ZNF415: variants seen among roughly 807,000 people sequenced by gnomAD.
The protein encoded by ZNF415 is zinc finger protein 415.
Under a neutral mutation model 7.3 loss-of-function variants are expected in ZNF415, and 5 were observed. That is an observed-to-expected ratio of 0.69 (90% CI 0.36 to 1.44). The LOEUF is 1.44. ZNF415 is among the 40% of genes most tolerant of loss of function. The probability of loss-of-function intolerance (pLI) is 0.04; values close to 1 mark genes in which losing one functional copy is unlikely to be tolerated. For synonymous variants in ZNF415, 207 were observed against 226.3 expected (o/e 0.91, Z 0.77); for missense variants, 628 against 664.8 (o/e 0.94, Z 0.61).
In ZNF415 at chr19:53,108,741, G is replaced by C; in HGVS notation, c.1304C>G (p.Thr435Ser). 3.1e-6 allele frequency: 5 copies of C among 1,614,144 alleles called. No homozygotes were observed. Among genetic ancestry groups the C allele is most frequent in the Non-Finnish European group, 4.2e-6 (5 of 1,180,026 alleles). ...ATTACACTTGTAAGGTTTCTCTCCA[G>C]TATGAACTCTCCGATGACTCGCAAG... ...SHLASHRRVH[T>S]GEKPYKCNEC... is the part of the protein sequence containing the mutation. Residue 435 changes from threonine to serine, a missense_variant, in exon 4 of 4, where the codon ACT becomes AGT. Physicochemically the swap from Thr to Ser is moderately conservative, Grantham distance 58. Transcript: ENST00000243643.
Position 53,116,353 on chromosome 19 carries a change from C to A in ZNF415, c.96G>T (p.Arg32Ser), listed in dbSNP as rs751362915. 6.2e-7 allele frequency: 1 copy of A among 1,613,134 alleles called. No homozygotes were observed. The highest frequency in any genetic ancestry group is 8.5e-7 in the Non-Finnish European group (1 of 1,179,754). Residue 32 changes from arginine to serine, a missense_variant, in exon 3 of 4, where the codon AGG becomes AGT. By Grantham distance (110) the Arg-to-Ser change is moderately radical. Transcript: ENST00000243643. ...TCCTGTAGTTCTCCAACATCACATC[C>A]CTGTATAAAGTCCTCTGTGTAGAGT... ...CLNSTQRTLY[R>S]DVMLENYRNL...
At chr19:53,122,138 C>T (rs1297436458) in intron 2 of ZNF415, among the ~76,000 whole-genome samples, 2 of 151,860 alleles carry the variant, frequency 1.3e-5, no homozygotes, top group Non-Finnish European at 1.5e-5. Context: ...CCCAGCTACT[C>T]GGGACGCTGA....
Position 53,108,690 on chromosome 19 carries a change from T to C in ZNF415, c.1355A>G (p.His452Arg), listed in dbSNP as rs1414348879. 3 of 1,614,198 alleles carry C rather than the reference T, an allele frequency of 1.9e-6. No homozygotes were observed. The African/African-American group carries it at 4.0e-5, about 22-fold the overall frequency. ...CNECGKAFSVHSNLTTHQVIH... is the reference protein window; with the variant it reads ...CNECGKAFSVRSNLTTHQVIH... ...GACCTGATGGGTAGTTAAGTTCGAA[T>C]GCACACTAAAGGCTTTCCCACACTC... Residue 452 changes from histidine to arginine, a missense_variant, in exon 4 of 4, where the codon CAT becomes CGT. Physicochemically the swap from His to Arg is conservative, Grantham distance 29. Transcript: ENST00000243643.
chr19:53,120,559 T>C (rs1306637729), intron 2 of ZNF415, among the ~76,000 whole-genome samples: 1 of 152,082 alleles, frequency 6.6e-6, no homozygotes, highest in African/African-American at 2.4e-5. Context: ...AATATCTCTA[T>C]TGAGAGTTTC....
At chr19:53,119,096 T>G (rs978813254) in intron 2 of ZNF415, among the ~76,000 whole-genome samples, 3 of 151,974 alleles carry the variant, frequency 2.0e-5, no homozygotes, top group Non-Finnish European at 2.9e-5. Context: ...CTGGCTAACA[T>G]GGTGAACCCC....
chr19:53,122,135 A>G (rs3786524), intron 2 of ZNF415, among the ~76,000 whole-genome samples: 1 of 151,868 alleles, frequency 6.6e-6, no homozygotes, highest in African/African-American at 2.4e-5. Context: ...AATCCCAGCT[A>G]CTCGGGACGC....
chr19:53,123,617 G>A, intron 1 of ZNF415: 2 of 398,978 alleles, frequency 5.0e-6, no homozygotes, highest in Non-Finnish European at 8.8e-6. Context: ...AGCAGAGGGA[G>A]CGAGGAGGAC....
intron 2 of ZNF415, among the ~76,000 whole-genome samples, chr19:53,116,916 T>C (rs2087144872): frequency 6.6e-6 from 1 of 152,154 alleles, no homozygotes; most frequent in Non-Finnish European, 1.5e-5. Flanking sequence ...ATGTGACATA[T>C]GGGGCAGGCA....
chr19:53,129,710 T>C (rs2089788338), intron 1 of ZNF415: 2 of 398,436 alleles, frequency 5.0e-6, no homozygotes, highest in Admixed American at 8.8e-5. Context: ...GGCTGAATTA[T>C]GATGTCACGA....
At chr19:53,115,038 AAGAAC>A (rs1394927779) in intron 3 of ZNF415, among the ~76,000 whole-genome samples, 4 of 152,100 alleles carry the variant, frequency 2.6e-5, no homozygotes, top group Non-Finnish European at 5.9e-5. Flanking sequence ...AGGTGGCATC[AAGAAC>A]AGGAGAGACC....
At chr19:53,129,025 G>A (rs1432466492) in intron 1 of ZNF415, among the ~76,000 whole-genome samples, 1 of 152,014 alleles carries the variant, frequency 6.6e-6, no homozygotes, top group South Asian at 2.1e-4. Flanking sequence ...GAGAGTGACG[G>A]GCAGAGAGAA....
chr19:53,113,302 A>T (rs2086518044), intron 3 of ZNF415, among the ~76,000 whole-genome samples: 1 of 91,246 alleles, frequency 1.1e-5, no homozygotes, highest in Non-Finnish European at 2.2e-5. Flanking sequence ...AGGTCAGGAG[A>T]TCGAGACCAT....
chr19:53,131,409 G>T (rs534487563), intron 1 of ZNF415, among the ~76,000 whole-genome samples: 1 of 152,210 alleles, frequency 6.6e-6, no homozygotes, highest in South Asian at 2.1e-4. Context: ...TTAATAGACA[G>T]GAGCTTTGCA....
chr19:53,119,607 G>C (rs894075738), intron 2 of ZNF415, among the ~76,000 whole-genome samples: 9 of 151,178 alleles, frequency 6.0e-5, no homozygotes, highest in Admixed American at 1.3e-4. Context: ...AAACACAAAG[G>C]ATCAACAAAA....
Position 53,109,263 on chromosome 19 carries a change from C to T in ZNF415, c.782G>A (p.Arg261His), listed in dbSNP as rs139648554. 345 of 1,614,050 alleles carry T rather than the reference C, an allele frequency of 2.1e-4. No individual in the cohort carries two copies. The highest frequency in any genetic ancestry group is 2.7e-4 in the Non-Finnish European group (314 of 1,180,036). ...CTCTCCAGTATGAACTCTCCAATGA[C>T]GCGCAAGGTTTGATTTTTGACTAAA... ...KVFSQKSNLARHWRVHTGEKP... is the reference protein window; with the variant it reads ...KVFSQKSNLAHHWRVHTGEKP... Residue 261 changes from arginine to histidine, a missense_variant, in exon 4 of 4, where the codon CGT becomes CAT. Transcript: ENST00000243643.
At chr19:53,126,297 C>T (rs991328200) in intron 1 of ZNF415, among the ~76,000 whole-genome samples, 1 of 151,294 alleles carries the variant, frequency 6.6e-6, no homozygotes, top group Non-Finnish European at 1.5e-5. Context: ...ACACATCTGG[C>T]TGACTATGGG....
intron 3 of ZNF415, among the ~76,000 whole-genome samples, chr19:53,112,671 C>G (rs1314471437): frequency 2.0e-5 from 3 of 152,102 alleles, no homozygotes; most frequent in African/African-American, 7.2e-5. Context: ...CCATGCAGAT[C>G]AAGGTATCAT....
At chr19:53,128,041 C>G (rs1661919) in intron 1 of ZNF415, among the ~76,000 whole-genome samples, 87,593 of 151,830 alleles carry the variant, frequency 0.58, 25,588 homozygotes, top group Middle Eastern at 0.65. Flanking sequence ...ATGCGTGGGA[C>G]AGGTGTACAC....
chr19:53,125,565 G>A (rs1321518509), intron 1 of ZNF415, among the ~76,000 whole-genome samples: 3 of 152,020 alleles, frequency 2.0e-5, no homozygotes, highest in African/African-American at 7.3e-5. Flanking sequence ...CTCAAACTGG[G>A]CTCAAGTGAG....
Sources: gnomAD v4.1 joint callset for allele counts (sites outside exome capture counted in the v4.1 genomes callset) on GRCh38, gnomAD v4.1.1 for gene constraint, MANE v1.5 for transcripts, NCBI Gene and HGNC (gene_info 2026-07-23, HGNC 2026-07-21) for gene names.